NDRG1: variants seen among roughly 807,000 people sequenced by gnomAD.
NDRG1 encodes N-myc downstream regulated 1, also known as protein NDRG1.
In NDRG1, 32 loss-of-function variants were observed where a neutral mutation model predicts 56.9. That is an observed-to-expected ratio of 0.56 (90% CI 0.42 to 0.76). The LOEUF (loss-of-function observed/expected upper bound fraction) is 0.76, where lower values mean the gene tolerates loss of function less well. Ranked by LOEUF, NDRG1 falls within the 30% of genes least tolerant of loss-of-function variation. The pLI, the probability that NDRG1 is intolerant of heterozygous loss-of-function variation, is 0.00. For synonymous variants in NDRG1, 211 were observed against 204.1 expected, an observed-to-expected ratio of 1.03 and a Z score of -0.29; for missense variants, 507 against 545.7, an observed-to-expected ratio of 0.93 and a Z score of 0.71.
chr8:133,268,863 TCACACACACA>T (rs10569573), intron 3 of NDRG1, among the ~76,000 whole-genome samples: 1 of 149,456 alleles, frequency 6.7e-6, no homozygotes, highest in African/African-American at 2.5e-5. Flanking sequence ...ATCCCCTAAG[TCACACACACA>T]CACACACACA....
At chr8:133,246,591 C>A in intron 13 of NDRG1, 25 bp downstream of exon 13, 1 of 1,613,558 alleles carries the variant, frequency 6.2e-7, no homozygotes, top group Non-Finnish European at 8.5e-7. Flanking sequence ...ATAACAAACA[C>A]GAACCCCCAC....
intron 3 of NDRG1, among the ~76,000 whole-genome samples, chr8:133,271,030 G>T (rs1349693584): frequency 6.6e-6 from 1 of 152,208 alleles, no homozygotes; most frequent in African/African-American, 2.4e-5. Flanking sequence ...TTAGTGTGAA[G>T]CTCCCAGGGC....
intron 1 of NDRG1, among the ~76,000 whole-genome samples, chr8:133,292,304 C>T (rs1858474334): frequency 6.6e-6 from 1 of 152,184 alleles, no homozygotes; most frequent in Non-Finnish European, 1.5e-5. Flanking sequence ...CTAACAGGAT[C>T]CTTCCCCAGA....
At chr8:133,256,926 A>G in intron 7 of NDRG1, 63 bp from the exon 8 acceptor site, 4 of 1,493,896 alleles carry the variant, frequency 2.7e-6, no homozygotes, top group Non-Finnish European at 3.7e-6. Context: ...GGAACTTTCC[A>G]AGGCAAACCA....
At chr8:133,258,773 A>C (rs1328909771) in intron 6 of NDRG1, among the ~76,000 whole-genome samples, 3 of 152,218 alleles carry the variant, frequency 2.0e-5, no homozygotes, top group Non-Finnish European at 2.9e-5. Flanking sequence ...AGAACCATGA[A>C]GTTATCATTC....
intron 9 of NDRG1, among the ~76,000 whole-genome samples, chr8:133,253,142 G>A (rs1856166701): frequency 6.6e-6 from 1 of 152,238 alleles, no homozygotes. Flanking sequence ...TACCCTTCCC[G>A]AGGGTAGCTG....
intron 10 of NDRG1, among the ~76,000 whole-genome samples, chr8:133,249,834 C>T (rs1022788965): frequency 6.6e-6 from 1 of 152,246 alleles, no homozygotes; most frequent in African/African-American, 2.4e-5. Context: ...CTATGAGGCT[C>T]ATTTCTATCT....
intron 8 of NDRG1, chr8:133,255,285 T>G (rs550729331): frequency 4.4e-6 from 2 of 456,288 alleles, no homozygotes; most frequent in South Asian, 3.1e-5. Flanking sequence ...GGTCTCAGAC[T>G]TCTAATCTGG....
intron 1 of NDRG1, among the ~76,000 whole-genome samples, chr8:133,289,561 C>CT (rs1251618257): frequency 2.0e-5 from 3 of 152,156 alleles, no homozygotes; most frequent in African/African-American, 7.2e-5. Flanking sequence ...CCAAGAGGGG[C>CT]TACACAAATA....
intron 1 of NDRG1, among the ~76,000 whole-genome samples, chr8:133,293,181 C>G (rs1007712832): frequency 2.6e-5 from 4 of 152,234 alleles, no homozygotes; most frequent in Non-Finnish European, 4.4e-5. Context: ...CTCAGTGTCC[C>G]CAGCCCTTCT....
At chr8:133,281,833 T>A (rs1223568520) in intron 2 of NDRG1, among the ~76,000 whole-genome samples, 1 of 152,172 alleles carries the variant, frequency 6.6e-6, no homozygotes, top group Non-Finnish European at 1.5e-5. Context: ...CTGGCACCTA[T>A]ACCATTGCCC....
chr8:133,252,826 C>T (rs1279316002), intron 9 of NDRG1, among the ~76,000 whole-genome samples: 1 of 150,720 alleles, frequency 6.6e-6, no homozygotes. Context: ...AGAGTGGGGA[C>T]TCTATTCCCC....
Position 133,255,581 on chromosome 8 carries a change from T to C in NDRG1, c.538-986A>G, listed in dbSNP as rs557647954. On this transcript the variant is annotated intron_variant, in intron 8 of 15. Transcript: ENST00000323851. ...GGGTTGACTGGAATGTCACTTCCTT[T>C]GCTGGAAAATCAAATAAAAAACAGG... 7.0e-4 allele frequency: 238 copies of C among 341,632 alleles called. 4 individuals are homozygous for C. The highest frequency in any genetic ancestry group is 5.1e-3 in the South Asian group (231 of 45,112). 21.2% of individuals were successfully genotyped at this position (341,632 alleles called of 1,614,324 possible).
At chr8:133,273,812 G>A (rs1326287176) in intron 3 of NDRG1, among the ~76,000 whole-genome samples, 4 of 152,086 alleles carry the variant, frequency 2.6e-5, no homozygotes, top group Admixed American at 6.6e-5. Context: ...CCCCCAGGTG[G>A]CCTTCCACAA....
chr8:133,270,057 A>G (rs1286930718), intron 3 of NDRG1, among the ~76,000 whole-genome samples: 1 of 152,152 alleles, frequency 6.6e-6, no homozygotes, highest in Non-Finnish European at 1.5e-5. Flanking sequence ...CACGACCACA[A>G]TTACAAATAT....
In NDRG1 at chr8:133,237,185, C is replaced by T. The variant is rs1256552914; in HGVS notation, c.*1693G>A. On this transcript the variant is annotated 3_prime_UTR_variant, in exon 16 of 16. Coordinates refer to ENST00000323851, the MANE Select transcript of NDRG1 (RefSeq NM_006096.4). Reference sequence around the variant, plus strand: ...AAAGACACAAGCCGCTGCAAAGTTACAAATTTATTGGTCTGGAAATAAATA... The same window carrying T: ...AAAGACACAAGCCGCTGCAAAGTTATAAATTTATTGGTCTGGAAATAAATA... 4.8e-6 allele frequency: 1 copy of T among 207,432 alleles called. No individual in the cohort carries two copies. Among genetic ancestry groups the T allele is most frequent in the African/African-American group, 2.3e-5 (1 of 43,868 alleles). The allele number at this position is 207,432 out of a possible 1,614,324, so 12.8% of individuals were successfully genotyped here.
At chr8:133,243,704 G>C (rs998780980) in intron 14 of NDRG1, among the ~76,000 whole-genome samples, 7 of 152,134 alleles carry the variant, frequency 4.6e-5, no homozygotes. Context: ...AGGCAGGGCA[G>C]GTTTTGGATA....
intron 1 of NDRG1, chr8:133,288,498 T>G (rs1036705558): frequency 6.6e-6 from 1 of 152,364 alleles, no homozygotes; most frequent in Non-Finnish European, 1.5e-5. Context: ...CTTCCACTCC[T>G]GCTCCCTCCT....
intron 9 of NDRG1, among the ~76,000 whole-genome samples, chr8:133,253,280 AGCAGCTCATCTCAGAGCCAG>A (rs1856174008): frequency 6.6e-6 from 1 of 152,220 alleles, no homozygotes; most frequent in Non-Finnish European, 1.5e-5. Flanking sequence ...TCTGCAGAAG[AGCAGCTCATCTCAGAGCCAG>A]GCAGCAGCAC....
Sources: gnomAD v4.1 joint callset for allele counts (sites outside exome capture counted in the v4.1 genomes callset) on GRCh38, gnomAD v4.1.1 for gene constraint, MANE v1.5 for transcripts, NCBI Gene and HGNC (gene_info 2026-07-23, HGNC 2026-07-21) for gene names.